RGS6: variants seen among roughly 807,000 people sequenced by gnomAD.
The protein encoded by RGS6 is regulator of G protein signaling 6.
RGS6 carries 30 observed loss-of-function variants against 78.5 expected under a neutral mutation model. The ratio of observed to expected loss-of-function variants is 0.38; its 90% CI spans 0.29 to 0.52. The LOEUF (loss-of-function observed/expected upper bound fraction) is 0.52, where lower values mean the gene tolerates loss of function less well. Ranked by LOEUF, RGS6 falls within the 20% of genes least tolerant of loss-of-function variation. The pLI is 0.85. For missense variants in RGS6, 495 were observed against 609.7 expected, an observed-to-expected ratio of 0.81 and a Z score of 1.98; for synonymous variants, 206 against 206.0, an observed-to-expected ratio of 1.00 and a Z score of 0.00.
chr14:72,481,878 G>C (rs1388623813), intron 12 of RGS6, among the ~76,000 whole-genome samples: 1 of 145,994 alleles, frequency 6.8e-6, no homozygotes, highest in African/African-American at 2.5e-5. Flanking sequence ...GTGCAATCTC[G>C]GCTCACTGCA....
chr14:72,305,387 T>A (rs983285683), intron 2 of RGS6, among the ~76,000 whole-genome samples: 4 of 152,224 alleles, frequency 2.6e-5, no homozygotes, highest in Non-Finnish European at 4.4e-5. Flanking sequence ...TTCACAGATA[T>A]CACATTTTTT....
At chr14:72,130,805 T>C (rs559672813) in intron 2 of RGS6, among the ~76,000 whole-genome samples, 15 of 152,354 alleles carry the variant, frequency 9.8e-5, no homozygotes, top group Non-Finnish European at 1.9e-4. Context: ...AGCAGGTTTC[T>C]GGAAAGCTAA....
intron 2 of RGS6, among the ~76,000 whole-genome samples, chr14:72,043,641 T>TCTTTCAAAATTTCTTATTTGACTTTGG (rs2092612176): frequency 6.6e-6 from 1 of 152,206 alleles, no homozygotes; most frequent in Non-Finnish European, 1.5e-5. Context: ...CCTTTTGGCT[T>TCTTTCAAAATTTCTTATTTGACTTTGG]CTTTCAAAAT....
intron 2 of RGS6, among the ~76,000 whole-genome samples, chr14:72,000,165 C>T (rs933336705): frequency 6.6e-6 from 1 of 152,172 alleles, no homozygotes; most frequent in Non-Finnish European, 1.5e-5. Flanking sequence ...TTTTGTTCTA[C>T]AGAATTTTGT....
chr14:71,938,013 C>T (rs2089820208), intron 1 of RGS6, among the ~76,000 whole-genome samples: 1 of 152,170 alleles, frequency 6.6e-6, no homozygotes, highest in African/African-American at 2.4e-5. Context: ...TAACCTCCAT[C>T]CCTGCCACCA....
intron 3 of RGS6, among the ~76,000 whole-genome samples, chr14:72,393,496 A>G (rs760010668): frequency 6.6e-6 from 1 of 152,160 alleles, no homozygotes; most frequent in Non-Finnish European, 1.5e-5. Context: ...TTTTTCAGAT[A>G]ATGAAGCTAA....
intron 2 of RGS6, among the ~76,000 whole-genome samples, chr14:72,305,688 C>T: frequency 6.6e-6 from 1 of 152,144 alleles, no homozygotes; most frequent in African/African-American, 2.4e-5. Context: ...CATCTCTCTC[C>T]CTCTCTTCAG....
chr14:72,147,871 C>A (rs895325876), intron 2 of RGS6, among the ~76,000 whole-genome samples: 2 of 152,264 alleles, frequency 1.3e-5, no homozygotes, highest in East Asian at 1.9e-4. Flanking sequence ...GTGGCTCATG[C>A]CTGTAATCCC....
intron 2 of RGS6, among the ~76,000 whole-genome samples, chr14:72,002,274 G>A (rs1487675656): frequency 6.6e-6 from 1 of 152,086 alleles, no homozygotes; most frequent in Non-Finnish European, 1.5e-5. Flanking sequence ...AAGAAATTGG[G>A]ATTCAGAGTG....
At position 72,196,487 on chromosome 14, in the gene RGS6, G is replaced by C. The variant is rs898129756; in HGVS notation, c.85-155608G>C. ...CATGGAGTGGGGACCTAGAATCACT[G>C]CTATCACGTGACATGCCCCCTGTTC... On this transcript the variant is annotated intron_variant, in intron 2 of 17. Transcript: ENST00000553525. 3.9e-5 allele frequency among the ~76,000 whole-genome samples: 6 copies of C among 152,276 alleles called. No individual in the cohort carries two copies. The South Asian group carries it at 1.0e-3, about 26-fold the overall frequency.
intron 3 of RGS6, among the ~76,000 whole-genome samples, chr14:72,387,412 G>T (rs1401218553): frequency 6.6e-6 from 1 of 152,116 alleles, no homozygotes; most frequent in African/African-American, 2.4e-5. Context: ...AGCCAGGTAT[G>T]GTGGCGGGCG....
chr14:72,292,123 A>T (rs2063695246), intron 2 of RGS6, among the ~76,000 whole-genome samples: 1 of 152,182 alleles, frequency 6.6e-6, no homozygotes, highest in Non-Finnish European at 1.5e-5. Flanking sequence ...GAGAATTCTC[A>T]CACTGACAGC....
At chr14:72,623,159 T>A in the RGS6 span, among the ~76,000 whole-genome samples, 1 of 152,208 alleles carries the variant, frequency 6.6e-6, no homozygotes, top group Non-Finnish European at 1.5e-5. Context: ...AAATCATATT[T>A]TTTAGTGGTT....
chr14:72,083,954 A>G (rs1390175410), intron 2 of RGS6, among the ~76,000 whole-genome samples: 2 of 152,168 alleles, frequency 1.3e-5, no homozygotes, highest in Non-Finnish European at 2.9e-5. Context: ...AAATCCAAGC[A>G]TTGGGAGTTG....
rs868220170 is a variant in RGS6 at position 72,446,312 on chromosome 14, T to C, written c.185-8216T>C. Among the ~76,000 whole-genome samples, 3 of 152,314 alleles carry C rather than the reference T, an allele frequency of 2.0e-5. No homozygotes were observed. The Middle Eastern group carries it at 0.01, about 518-fold the overall frequency. On this transcript the variant is annotated intron_variant, in intron 3 of 17. Coordinates refer to ENST00000553525, the MANE Select transcript of RGS6 (RefSeq NM_001204424.2). ...TTGTGATACCTTGTCATGGAAGTCATAGCAAACTAATATAGAAGAGGAAAC... is the reference window on the plus strand; with the variant it reads ...TTGTGATACCTTGTCATGGAAGTCACAGCAAACTAATATAGAAGAGGAAAC...
chr14:72,096,849 T>TA (rs1049579942), intron 2 of RGS6, among the ~76,000 whole-genome samples: 3 of 152,216 alleles, frequency 2.0e-5, no homozygotes, highest in African/African-American at 7.2e-5. Flanking sequence ...CGTGGATACC[T>TA]AGAGGCATGG....
chr14:72,190,950 TAG>T (rs1193205644), intron 2 of RGS6, among the ~76,000 whole-genome samples: 2 of 152,180 alleles, frequency 1.3e-5, no homozygotes, highest in African/African-American at 2.4e-5. Context: ...CAGGTAGAAA[TAG>T]AGTTCCCTTT....
At chr14:72,139,904 C>T (rs997716140) in intron 2 of RGS6, among the ~76,000 whole-genome samples, 5 of 151,624 alleles carry the variant, frequency 3.3e-5, no homozygotes, top group African/African-American at 9.7e-5. Flanking sequence ...TTAAAAATCA[C>T]ATGAGAAATG....
chr14:72,319,630 C>T (rs1345690622), intron 2 of RGS6, among the ~76,000 whole-genome samples: 3 of 152,092 alleles, frequency 2.0e-5, no homozygotes, highest in African/African-American at 7.2e-5. Context: ...CGTGAGCCAC[C>T]GCACCCGGCC....
Sources: allele counts gnomAD v4.1 joint callset (sites outside exome capture counted in the v4.1 genomes callset), GRCh38; gene constraint gnomAD v4.1.1; transcripts MANE v1.5; gene names NCBI Gene and HGNC (gene_info 2026-07-23, HGNC 2026-07-21).